STON2: variants seen among roughly 807,000 people sequenced by gnomAD.
STON2 encodes stonin-2.
STON2 carries 29 observed loss-of-function variants against 65.7 expected under a neutral mutation model. The ratio of observed to expected loss-of-function variants is 0.44; its 90% CI spans 0.33 to 0.60. The LOEUF (loss-of-function observed/expected upper bound fraction) is 0.60, where lower values mean the gene tolerates loss of function less well. STON2 is among the 20% of genes least tolerant of loss of function. The pLI is 0.03. For synonymous variants in STON2, 404 were observed against 414.2 expected, an observed-to-expected ratio of 0.98 and a Z score of 0.30; for missense variants, 1,054 against 1,118.1, an observed-to-expected ratio of 0.94 and a Z score of 0.82.
At chr14:81,308,324 C>T (rs1408391280) in intron 5 of STON2, among the ~76,000 whole-genome samples, 1 of 152,138 alleles carries the variant, frequency 6.6e-6, no homozygotes, top group East Asian at 1.9e-4. Flanking sequence ...ATGCCTCAGC[C>T]TCCCAAGTAG....
intron 2 of STON2, among the ~76,000 whole-genome samples, chr14:81,410,441 T>A (rs2139856961): frequency 6.6e-6 from 1 of 152,260 alleles, no homozygotes; most frequent in South Asian, 2.1e-4. Context: ...ACTACTCAAT[T>A]GACCTTAAGA....
chr14:81,414,688 C>T (rs554976651), intron 2 of STON2, among the ~76,000 whole-genome samples: 19 of 152,046 alleles, frequency 1.2e-4, no homozygotes, highest in African/African-American at 3.1e-4. Context: ...ATGTCCTCTA[C>T]GATAACTCTG....
chr14:81,307,574 T>C lies in STON2; in HGVS notation c.742+16443A>G, dbSNP rs374894482. Among the ~76,000 whole-genome samples, 47 of 152,276 alleles carry C rather than the reference T, an allele frequency of 3.1e-4. No homozygotes were observed. In the South Asian group the frequency reaches 9.8e-3, roughly 32 times the overall value. Reference sequence around the variant, plus strand: ...AATCTTCTTGTAAATGAGAAAGAATTAATAGTCTACTGTTGACACTTGAAC... The same window carrying C: ...AATCTTCTTGTAAATGAGAAAGAATCAATAGTCTACTGTTGACACTTGAAC... On this transcript the variant is annotated intron_variant, in intron 5 of 7. Transcript: ENST00000614646.
At chr14:81,420,414 C>T (rs894260437) in intron 2 of STON2, among the ~76,000 whole-genome samples, 4 of 152,184 alleles carry the variant, frequency 2.6e-5, no homozygotes, top group Admixed American at 6.5e-5. Flanking sequence ...CACAGAACAT[C>T]GCCCATTCAT....
intron 5 of STON2, among the ~76,000 whole-genome samples, chr14:81,309,327 GA>G (rs1206984698): frequency 1.3e-5 from 2 of 151,880 alleles, no homozygotes; most frequent in East Asian, 1.9e-4. Context: ...AATCTATAAA[GA>G]AAAAAATTTA....
intron 5 of STON2, among the ~76,000 whole-genome samples, chr14:81,316,250 A>G (rs1344980517): frequency 6.6e-6 from 1 of 152,216 alleles, no homozygotes; most frequent in Admixed American, 6.5e-5. Flanking sequence ...ACAGTCACAA[A>G]GACTTTGTGA....
intron 3 of STON2, among the ~76,000 whole-genome samples, chr14:81,389,184 G>T (rs910288098): frequency 6.6e-6 from 1 of 152,170 alleles, no homozygotes; most frequent in East Asian, 1.9e-4. Context: ...TTATATATAG[G>T]AAAGAGTCAG....
At chr14:81,384,443 C>A (rs1300375143) in intron 3 of STON2, among the ~76,000 whole-genome samples, 1 of 152,100 alleles carries the variant, frequency 6.6e-6, no homozygotes, top group Non-Finnish European at 1.5e-5. Flanking sequence ...ACTATGTTGG[C>A]CAGGCTGGTC....
intron 4 of STON2, among the ~76,000 whole-genome samples, chr14:81,334,303 C>T (rs1175410659): frequency 6.6e-6 from 1 of 152,168 alleles, no homozygotes; most frequent in Non-Finnish European, 1.5e-5. Context: ...TTTTGTCTCC[C>T]TCGACTACTT....
rs906271229 is a variant in STON2 at position 81,348,038 on chromosome 14, T to C, written c.571+22950A>G. 5.3e-5 allele frequency among the ~76,000 whole-genome samples: 8 copies of C among 150,284 alleles called. No homozygotes were observed. The South Asian group carries it at 1.3e-3, about 24-fold the overall frequency. ...GAAAAAAAAACTAAAATCATCTCAA[T>C]AGGCAAAAAAAGAGCATTTGGTAAA... is the stretch of plus-strand genomic sequence containing the variant. On this transcript the variant is annotated intron_variant, in intron 4 of 7. Coordinates refer to ENST00000614646, the MANE Select transcript of STON2 (RefSeq NM_001394390.1).
At position 81,420,865 on chromosome 14, in the gene STON2, T is replaced by A. The variant is rs1595468153; in HGVS notation, c.-199+6237A>T. ...CTGTTGTTTGCTATCAAAGGGTGTA[T>A]GCAACCTCCCTGATTCCTACGTCCA... On this transcript the variant is annotated intron_variant, in intron 2 of 8. Coordinates refer to the STON2 transcript ENST00000553821. 3.9e-5 allele frequency among the ~76,000 whole-genome samples: 6 copies of A among 152,320 alleles called. No individual in the cohort carries two copies. In the South Asian group the frequency reaches 1.2e-3, roughly 32 times the overall value.
chr14:81,371,007 A>G lies in STON2; in HGVS notation c.552T>C (p.Ala184=), dbSNP rs374694266. The change falls in exon 4 of 8, where the codon GCT becomes GCC. Residue 184 remains alanine (A), a synonymous_variant. Coordinates refer to ENST00000614646, the MANE Select transcript of STON2 (RefSeq NM_001394390.1). The part of the protein sequence containing the change: ...INAEEQTSGQ[A]SGADSTDKRT... ...TCTTACCAGTTGAGTCAGCCCCAGA[A>G]GCCTGGCCACTCGTCTGCTCCTCAG... 1 of 1,612,722 alleles carries G rather than the reference A, an allele frequency of 6.2e-7. No homozygotes were observed. Among genetic ancestry groups the G allele is most frequent in the African/African-American group, 1.3e-5 (1 of 74,890 alleles).
chr14:81,342,292 G>A (rs1359019405), intron 4 of STON2, among the ~76,000 whole-genome samples: 4 of 151,810 alleles, frequency 2.6e-5, no homozygotes, highest in Non-Finnish European at 4.4e-5. Flanking sequence ...CCACAACCAC[G>A]CCCAGCTAAT....
rs757222803 is a variant in STON2, at chr14:81,278,373, T to C, written c.1109A>G (p.Asn370Ser). ...VTEASPWRAT[N>S]PFLNETLQDV... is the part of the protein sequence containing the mutation. ...CTGCAGAGTCTCATTCAGGAAAGGG[T>C]TGGTTGCCCTCCAAGGTGAAGCCTC... is the stretch of plus-strand genomic sequence containing the variant. The change falls in exon 6 of 8, where the codon AAC (asparagine) becomes AGC (serine). Residue 370 changes from asparagine to serine, a missense_variant. Physicochemically the swap from Asn to Ser is conservative, Grantham distance 46 (BLOSUM62 1). Coordinates refer to ENST00000614646, the MANE Select transcript of STON2 (RefSeq NM_001394390.1). 4.3e-6 allele frequency: 7 copies of C among 1,614,034 alleles called. No individual in the cohort carries two copies. The highest frequency in any genetic ancestry group is 5.9e-6 in the Non-Finnish European group (7 of 1,179,998).
chr14:81,394,499 T>C (rs72691404), intron 3 of STON2, among the ~76,000 whole-genome samples: 2,133 of 152,260 alleles, frequency 0.014, 25 homozygotes, highest in South Asian at 0.043. Context: ...GTGAATATGT[T>C]ACTTTATATG....
At chr14:81,419,941 G>A (rs1195001793) in intron 2 of STON2, among the ~76,000 whole-genome samples, 2 of 152,158 alleles carry the variant, frequency 1.3e-5, no homozygotes. Context: ...TGGGAACTAA[G>A]GTACCTCAAA....
intron 4 of STON2, among the ~76,000 whole-genome samples, chr14:81,328,492 A>T (rs1897080921): frequency 6.6e-6 from 1 of 152,158 alleles, no homozygotes; most frequent in Admixed American, 6.5e-5. Flanking sequence ...TTTCTCCAAA[A>T]GAAAGATGTA....
chr14:81,390,866 C>T (rs970786644), intron 3 of STON2, among the ~76,000 whole-genome samples: 74 of 152,348 alleles, frequency 4.9e-4, no homozygotes, highest in Middle Eastern at 3.4e-3. Flanking sequence ...CCCGCAGAGG[C>T]TTTAAGGAAG....
intron 3 of STON2, among the ~76,000 whole-genome samples, chr14:81,377,929 C>A (rs1899329636): frequency 6.6e-6 from 1 of 151,830 alleles, no homozygotes; most frequent in Non-Finnish European, 1.5e-5. Context: ...CTCACCACAA[C>A]CTCCACTTCC....
Sources: allele counts gnomAD v4.1 joint callset (sites outside exome capture counted in the v4.1 genomes callset), GRCh38; gene constraint gnomAD v4.1.1; transcripts MANE v1.5; gene names NCBI Gene and HGNC (gene_info 2026-07-23, HGNC 2026-07-21).